The following MYO3B variants were observed in gnomAD, a reference collection of about 807,000 sequenced individuals.
MYO3B encodes myosin IIIB.
A neutral mutation model predicts 174.6 loss-of-function variants in MYO3B; 156 were observed. The ratio of observed to expected loss-of-function variants is 0.89; its 90% CI spans 0.78 to 1.02. MYO3B has a LOEUF of 1.02. Among genes scored for constraint, MYO3B ranks in the 50% least tolerant of loss-of-function variants. MYO3B has a pLI of 0.00. For synonymous variants in MYO3B, 563 were observed against 569.1 expected (o/e 0.99, Z 0.15); for missense variants, 1,632 against 1,639.4 (o/e 1.00, Z 0.08).
chr2:170,462,280 G>A (rs1446706923), intron 23 of MYO3B, among the ~76,000 whole-genome samples: 1 of 152,138 alleles, frequency 6.6e-6, no homozygotes, highest in Non-Finnish European at 1.5e-5. Context: ...TCTTCACTTG[G>A]GTCATAGAGC....
intron 7 of MYO3B, among the ~76,000 whole-genome samples, chr2:170,281,066 C>G (rs1446771449): frequency 1.3e-5 from 2 of 152,114 alleles, no homozygotes; most frequent in East Asian, 1.9e-4. Flanking sequence ...TTGCTTTGAG[C>G]AGTATGGCCA....
chr2:170,573,628 A>G (rs1223160350), intron 32 of MYO3B, among the ~76,000 whole-genome samples: 2 of 152,162 alleles, frequency 1.3e-5, no homozygotes, highest in African/African-American at 4.8e-5. Flanking sequence ...AATATTTTGT[A>G]CCATTATTAA....
chr2:170,560,941 T>C (rs1299978844), intron 32 of MYO3B, among the ~76,000 whole-genome samples: 1 of 152,214 alleles, frequency 6.6e-6, no homozygotes, highest in East Asian at 1.9e-4. Context: ...GATTACAAAG[T>C]GTTCATTCCT....
chr2:170,193,235 C>T (rs1297232321), intron 1 of MYO3B, among the ~76,000 whole-genome samples: 1 of 151,980 alleles, frequency 6.6e-6, no homozygotes, highest in Non-Finnish European at 1.5e-5. Context: ...CCCATTCTAA[C>T]AGTATATAGA....
At chr2:170,513,924 G>A (rs1008317915) in intron 28 of MYO3B, among the ~76,000 whole-genome samples, 3 of 152,308 alleles carry the variant, frequency 2.0e-5, no homozygotes, top group Admixed American at 2.0e-4. Context: ...AAGGAGAAAG[G>A]TCAGGGATAC....
chr2:170,380,299 T>C (rs908009927), intron 9 of MYO3B, among the ~76,000 whole-genome samples: 3 of 152,108 alleles, frequency 2.0e-5, no homozygotes, highest in Admixed American at 2.0e-4. Flanking sequence ...TGCAAATTGT[T>C]GATTCCAAAT....
chr2:170,590,533 T>C (rs1389462705), intron 32 of MYO3B, among the ~76,000 whole-genome samples: 1 of 152,048 alleles, frequency 6.6e-6, no homozygotes, highest in Non-Finnish European at 1.5e-5. Context: ...CAGCTGAGGC[T>C]ACTTTCTTCA....
chr2:170,364,601 A>C (rs1349428379), intron 8 of MYO3B, among the ~76,000 whole-genome samples: 1 of 152,172 alleles, frequency 6.6e-6, no homozygotes, highest in African/African-American at 2.4e-5. Context: ...ACCTGAAATG[A>C]ATACGTTTCT....
intron 7 of MYO3B, among the ~76,000 whole-genome samples, chr2:170,287,901 G>A (rs1428789833): frequency 6.6e-6 from 1 of 151,968 alleles, no homozygotes; most frequent in Non-Finnish European, 1.5e-5. Flanking sequence ...TGACTTTTGT[G>A]TATGGAGAGA....
chr2:170,231,222 G>T (rs2093012591), intron 6 of MYO3B, among the ~76,000 whole-genome samples: 1 of 152,246 alleles, frequency 6.6e-6, no homozygotes, highest in African/African-American at 2.4e-5. Flanking sequence ...TAGATTTAAG[G>T]AGTCTGGATC....
intron 7 of MYO3B, among the ~76,000 whole-genome samples, chr2:170,278,780 C>A (rs2093482742): frequency 6.6e-6 from 1 of 152,090 alleles, no homozygotes; most frequent in African/African-American, 2.4e-5. Flanking sequence ...GCCACATATA[C>A]CCACATTCTT....
intron 32 of MYO3B, among the ~76,000 whole-genome samples, chr2:170,631,488 C>A (rs1429401020): frequency 6.6e-6 from 1 of 151,854 alleles, no homozygotes; most frequent in Non-Finnish European, 1.5e-5. Flanking sequence ...AGGATATTAC[C>A]CAGGAGAACT....
chr2:170,539,365 A>G (rs998341347), intron 30 of MYO3B, among the ~76,000 whole-genome samples: 1 of 152,222 alleles, frequency 6.6e-6, no homozygotes, highest in Non-Finnish European at 1.5e-5. Flanking sequence ...GAAAAAATAC[A>G]TCCTGGGTGA....
intron 7 of MYO3B, among the ~76,000 whole-genome samples, chr2:170,292,375 A>T (rs1356530533): frequency 6.6e-6 from 1 of 152,136 alleles, no homozygotes; most frequent in Non-Finnish European, 1.5e-5. Flanking sequence ...TGCAATTTTG[A>T]ATTCCTGGTC....
At chr2:170,226,992 C>G (rs1241291912) in intron 6 of MYO3B, among the ~76,000 whole-genome samples, 2 of 152,194 alleles carry the variant, frequency 1.3e-5, no homozygotes, top group Non-Finnish European at 2.9e-5. Flanking sequence ...CTCAGCTCTT[C>G]CTGAGCTCTG....
At chr2:170,502,619 G>A (rs1389175484) in intron 28 of MYO3B, among the ~76,000 whole-genome samples, 1 of 151,976 alleles carries the variant, frequency 6.6e-6, no homozygotes, top group African/African-American at 2.4e-5. Context: ...GTGCCAGGCT[G>A]GGCTCCTTCC....
intron 22 of MYO3B, among the ~76,000 whole-genome samples, chr2:170,438,457 G>A (rs144768915): frequency 0.011 from 1,626 of 152,182 alleles, 37 homozygotes; most frequent in African/African-American, 0.037. Context: ...AAGAGGGATT[G>A]CTGTATCATA....
At chr2:170,286,750 G>A (rs563693361) in intron 7 of MYO3B, among the ~76,000 whole-genome samples, 3 of 151,832 alleles carry the variant, frequency 2.0e-5, no homozygotes, top group South Asian at 2.1e-4. Flanking sequence ...GTTTTTGTTC[G>A]TATTTTTTCA....
chr2:170,377,212 C>T lies in MYO3B; in HGVS notation c.972-4804C>T, dbSNP rs184506073. On this transcript the variant is annotated intron_variant, in intron 9 of 34. Transcript: ENST00000408978. ...ACAATGACACAGAAATGGTTTTAAC[C>T]ATAATGCAGATACAGAGATTAAACT... Among the ~76,000 whole-genome samples the T allele has an allele frequency of 3.9e-5, 6 of 152,296 alleles. No individual in the cohort carries two copies. In the East Asian group the frequency reaches 9.6e-4, roughly 24 times the overall value.
Sources: gnomAD v4.1 joint callset for allele counts (sites outside exome capture counted in the v4.1 genomes callset) on GRCh38, gnomAD v4.1.1 for gene constraint, MANE v1.5 for transcripts, NCBI Gene and HGNC (gene_info 2026-07-23, HGNC 2026-07-21) for gene names.